IQCM: variants seen among roughly 807,000 people sequenced by gnomAD.
The protein encoded by IQCM is IQ domain-containing protein M.
A neutral mutation model predicts 57.6 loss-of-function variants in IQCM; 45 were observed. The observed-to-expected ratio is 0.78, with a 90% CI of 0.62 to 1.00. The LOEUF (loss-of-function observed/expected upper bound fraction) is 1.00. Among genes scored for constraint, IQCM ranks in the 50% least tolerant of loss-of-function variants. The pLI is 0.00. For synonymous variants in IQCM, 148 were observed against 158.9 expected (o/e 0.93, Z 0.51); for missense variants, 468 against 511.6 (o/e 0.91, Z 0.82).
intron 7 of IQCM, among the ~76,000 whole-genome samples, chr4:149,652,604 T>C (rs1031821785): frequency 6.6e-6 from 1 of 151,902 alleles, no homozygotes; most frequent in African/African-American, 2.4e-5. Context: ...AAAGTACGAC[T>C]TGAGCCAACA....
chr4:149,741,581 C>A (rs1036152991), intron 3 of IQCM, among the ~76,000 whole-genome samples: 1 of 152,136 alleles, frequency 6.6e-6, no homozygotes, highest in Non-Finnish European at 1.5e-5. Context: ...TCACAGAGCT[C>A]TATTGGCAGC....
chr4:149,556,320 A>C (rs1338720878), intron 10 of IQCM, among the ~76,000 whole-genome samples: 2 of 148,628 alleles, frequency 1.3e-5, no homozygotes, highest in Non-Finnish European at 3.0e-5. Flanking sequence ...TTTCTTAAGT[A>C]ATTTATTCAT....
At chr4:149,746,759 C>A (rs1307901898) in intron 2 of IQCM, among the ~76,000 whole-genome samples, 1 of 152,178 alleles carries the variant, frequency 6.6e-6, no homozygotes, top group Non-Finnish European at 1.5e-5. Flanking sequence ...CACTATTATT[C>A]CATTGCTTTT....
At chr4:149,629,835 G>T (rs1757104861) in intron 7 of IQCM, among the ~76,000 whole-genome samples, 1 of 152,074 alleles carries the variant, frequency 6.6e-6, no homozygotes, top group Admixed American at 6.6e-5. Flanking sequence ...AGACTAAATT[G>T]CACTCATTTT....
intron 2 of IQCM, among the ~76,000 whole-genome samples, chr4:149,764,730 C>T (rs1376474384): frequency 6.6e-6 from 1 of 152,094 alleles, no homozygotes; most frequent in Non-Finnish European, 1.5e-5. Context: ...GGAACAGGTA[C>T]TAGAGACCTC....
At chr4:149,711,486 C>T (rs1219994778) in intron 5 of IQCM, among the ~76,000 whole-genome samples, 1 of 152,090 alleles carries the variant, frequency 6.6e-6, no homozygotes, top group Non-Finnish European at 1.5e-5. Context: ...GCAAATCTTG[C>T]AAGATTTTGA....
At chr4:149,660,466 G>A (rs1227068095) in intron 7 of IQCM, among the ~76,000 whole-genome samples, 2 of 152,046 alleles carry the variant, frequency 1.3e-5, no homozygotes, top group Admixed American at 1.3e-4. Flanking sequence ...ATTTGACCCA[G>A]CCATCCCATT....
chr4:149,602,280 T>C (rs1186250764), intron 8 of IQCM, among the ~76,000 whole-genome samples: 1 of 152,096 alleles, frequency 6.6e-6, no homozygotes, highest in Non-Finnish European at 1.5e-5. Flanking sequence ...TGGAATTTGG[T>C]ATCTGCTGAA....
intron 2 of IQCM, among the ~76,000 whole-genome samples, chr4:149,810,382 A>G (rs1037175318): frequency 4.7e-5 from 7 of 148,860 alleles, no homozygotes; most frequent in Non-Finnish European, 8.9e-5. Flanking sequence ...AAAAAAAAAG[A>G]AAAGTTGGAG....
At chr4:149,402,886 T>C (rs1732717597) in intron 13 of IQCM, among the ~76,000 whole-genome samples, 1 of 151,718 alleles carries the variant, frequency 6.6e-6, no homozygotes, top group South Asian at 2.1e-4. Flanking sequence ...ATAAATGAGG[T>C]TTTTCAATGC....
intron 12 of IQCM, among the ~76,000 whole-genome samples, chr4:149,463,866 G>A (rs1738561950): frequency 6.6e-6 from 1 of 152,100 alleles, no homozygotes; most frequent in African/African-American, 2.4e-5. Context: ...AACATTTCTG[G>A]AGAAATAACT....
intron 13 of IQCM, among the ~76,000 whole-genome samples, chr4:149,355,394 TC>T (rs1728890581): frequency 1.0e-5 from 1 of 96,172 alleles, no homozygotes; most frequent in Non-Finnish European, 2.0e-5. Context: ...CCCTTCCCCC[TC>T]CCCCCACCCC....
intron 2 of IQCM, among the ~76,000 whole-genome samples, chr4:149,759,817 A>C (rs1287930766): frequency 4.6e-5 from 7 of 152,156 alleles, no homozygotes; most frequent in Non-Finnish European, 7.4e-5. Context: ...ATAAGCATTT[A>C]AACAAGCATT....
chr4:149,446,393 C>A (rs942362177), intron 12 of IQCM, among the ~76,000 whole-genome samples: 3 of 151,700 alleles, frequency 2.0e-5, no homozygotes, highest in Non-Finnish European at 4.4e-5. Flanking sequence ...AAAGAGCTTA[C>A]TGGCTCAAAT....
intron 2 of IQCM, among the ~76,000 whole-genome samples, chr4:149,772,304 T>G (rs1424881715): frequency 6.6e-6 from 1 of 152,094 alleles, no homozygotes; most frequent in African/African-American, 2.4e-5. Flanking sequence ...AATGTTCAAT[T>G]AATAAGAAAT....
chr4:149,668,528 AG>A (rs998577258), intron 7 of IQCM, among the ~76,000 whole-genome samples: 1 of 152,084 alleles, frequency 6.6e-6, no homozygotes, highest in African/African-American at 2.4e-5. Context: ...GGGCAAGGGG[AG>A]GGATAACGTT....
intron 2 of IQCM, among the ~76,000 whole-genome samples, chr4:149,791,692 G>T (rs1315761810): frequency 6.6e-6 from 1 of 152,084 alleles, no homozygotes; most frequent in Non-Finnish European, 1.5e-5. Flanking sequence ...ATTCTAAAAG[G>T]TTTATTGTGC....
intron 2 of IQCM, among the ~76,000 whole-genome samples, chr4:149,803,538 T>A (rs1773801730): frequency 6.6e-6 from 1 of 151,998 alleles, no homozygotes; most frequent in South Asian, 2.1e-4. Context: ...AATTCAAAAA[T>A]TTCTGGTACA....
intron 12 of IQCM, among the ~76,000 whole-genome samples, chr4:149,546,349 T>G (rs1748428262): frequency 6.6e-6 from 1 of 152,186 alleles, no homozygotes. Flanking sequence ...ATGGGATGGC[T>G]GGGTCAAATG....
Sources: allele counts gnomAD v4.1 joint callset (sites outside exome capture counted in the v4.1 genomes callset), GRCh38; gene constraint gnomAD v4.1.1; transcripts MANE v1.5; gene names NCBI Gene and HGNC (gene_info 2026-07-23, HGNC 2026-07-21).